Variants in CNOT10 observed in about 807,000 individuals in gnomAD.
CNOT10 encodes the protein CCR4-NOT transcription complex subunit 10.
In CNOT10, 30 loss-of-function variants were observed where a neutral mutation model predicts 94.6. The ratio of observed to expected loss-of-function variants is 0.32; its 90% CI spans 0.24 to 0.43. The LOEUF is 0.43. Among genes scored for constraint, CNOT10 ranks in the 20% least tolerant of loss-of-function variants. The probability of loss-of-function intolerance (pLI) is 1.00; values close to 1 mark genes in which losing one functional copy is unlikely to be tolerated. For synonymous variants in CNOT10, 289 were observed against 301.6 expected, an observed-to-expected ratio of 0.96 and a Z score of 0.43; for missense variants, 759 against 877.2, an observed-to-expected ratio of 0.87 and a Z score of 1.70.
At chr3:32,690,316 A>G (rs967444720) in intron 1 of CNOT10, among the ~76,000 whole-genome samples, 5 of 152,094 alleles carry the variant, frequency 3.3e-5, no homozygotes, top group African/African-American at 1.2e-4. Flanking sequence ...AGAACGATGA[A>G]AGTATCTACC....
At chr3:32,685,858 C>T (rs2125480448) in intron 1 of CNOT10, among the ~76,000 whole-genome samples, 1 of 152,284 alleles carries the variant, frequency 6.6e-6, no homozygotes, top group South Asian at 2.1e-4. Context: ...GTGGCTGAGG[C>T]TGGGATTCAC....
At chr3:32,729,233 G>GCC (rs1391879475) in intron 10 of CNOT10, among the ~76,000 whole-genome samples, 2 of 152,176 alleles carry the variant, frequency 1.3e-5, no homozygotes, top group Non-Finnish European at 2.9e-5. Context: ...ACACATGATT[G>GCC]CCCATGGTAG....
chr3:32,770,081 C>T, intron 18 of CNOT10, 119 bp downstream of exon 18: 1 of 723,034 alleles, frequency 1.4e-6, no homozygotes, highest in Non-Finnish European at 2.4e-6. Context: ...TCAGAGCTCA[C>T]TGCAGCCTCC....
intron 14 of CNOT10, among the ~76,000 whole-genome samples, chr3:32,762,139 T>A (rs181764565): frequency 1.9e-4 from 29 of 150,140 alleles, no homozygotes; most frequent in African/African-American, 5.1e-4. Context: ...GTCATTAAGA[T>A]TTTGAGCAGA....
chr3:32,726,745 T>G (rs1039113341), intron 9 of CNOT10, among the ~76,000 whole-genome samples: 1 of 149,708 alleles, frequency 6.7e-6, no homozygotes, highest in Non-Finnish European at 1.5e-5. Flanking sequence ...ATTTAATTGA[T>G]GGCAAATGTA....
intron 1 of CNOT10, among the ~76,000 whole-genome samples, chr3:32,696,328 G>A (rs541341556): frequency 0.025 from 3,504 of 139,748 alleles, 48 homozygotes; most frequent in South Asian, 0.043. Flanking sequence ...AAAAAAAAAA[G>A]AAGAAGAAGA....
In CNOT10 at chr3:32,733,483, G is replaced by A; in HGVS notation, c.1276G>A (p.Gly426Ser). Residue 426 changes from glycine (G) to serine (S), a missense_variant, in exon 11 of 19, where the codon GGT becomes AGT. Physicochemically the swap from Gly to Ser is moderately conservative, Grantham distance 56 (BLOSUM62 0). Transcript: ENST00000328834. Reference sequence around the variant, plus strand: ...AAAAGGAATTGTACAGTCTATTGTTGGTCAAGGCTATCATCGTAAAATAGT... The same window carrying A: ...AAAAGGAATTGTACAGTCTATTGTTAGTCAAGGCTATCATCGTAAAATAGT... ...SKKGIVQSIV[G>S]QGYHRKIVLA... 1 of 1,603,804 alleles carries A rather than the reference G, an allele frequency of 6.2e-7. No homozygotes were observed. Among genetic ancestry groups the A allele is most frequent in the African/African-American group, 1.3e-5 (1 of 74,750 alleles).
intron 13 of CNOT10, among the ~76,000 whole-genome samples, chr3:32,756,024 T>G (rs1486028542): frequency 6.6e-6 from 1 of 152,108 alleles, no homozygotes; most frequent in Non-Finnish European, 1.5e-5. Context: ...CTATCAAAAG[T>G]AAAGTGATTC....
intron 9 of CNOT10, among the ~76,000 whole-genome samples, chr3:32,726,687 C>G (rs1478729062): frequency 8.4e-6 from 1 of 119,404 alleles, no homozygotes; most frequent in Admixed American, 9.4e-5. Context: ...CAGAGCGAGA[C>G]TCTGTCCATA....
chr3:32,769,968 T>G lies in CNOT10; in HGVS notation c.2080+6T>G. The G allele has an allele frequency of 3.1e-6, 5 of 1,606,654 alleles. No homozygotes were observed. Among genetic ancestry groups the G allele is most frequent in the Non-Finnish European group, 4.3e-6 (5 of 1,173,362 alleles). ...CTACCTTGAACTGCAGAATGGTGAG[T>G]AATTCTCTCTGTTTAGGACTTTATC... On this transcript the variant is annotated splice_donor_region_variant and intron_variant, in intron 18 of 18. Coordinates refer to ENST00000328834, the MANE Select transcript of CNOT10 (RefSeq NM_015442.3).
At chr3:32,726,694 CATAATAATAATAATAATA>C (rs55674577) in intron 9 of CNOT10, among the ~76,000 whole-genome samples, 2 of 141,764 alleles carry the variant, frequency 1.4e-5, no homozygotes, top group Non-Finnish European at 3.0e-5. Flanking sequence ...AGACTCTGTC[CATAATAATAATAATAATA>C]ATAATAATAA....
chr3:32,695,784 G>C, intron 1 of CNOT10: 2 of 1,535,634 alleles, frequency 1.3e-6, no homozygotes, highest in Non-Finnish European at 1.7e-6. Flanking sequence ...ACTACTTTTG[G>C]GCAAATAAAG....
At chr3:32,695,978 T>A (rs1460055807) in intron 1 of CNOT10, among the ~76,000 whole-genome samples, 5 of 91,900 alleles carry the variant, frequency 5.4e-5, no homozygotes, top group Non-Finnish European at 1.3e-4. Flanking sequence ...AGTGTGTGTG[T>A]GTGTGTGTGT....
chr3:32,702,843 A>G (rs1697418307), intron 1 of CNOT10, among the ~76,000 whole-genome samples: 1 of 151,906 alleles, frequency 6.6e-6, no homozygotes, highest in African/African-American at 2.4e-5. Flanking sequence ...ACTTGGCCAT[A>G]GGAACCTTTT....
chr3:32,716,943 C>T (rs1698152306), intron 6 of CNOT10, among the ~76,000 whole-genome samples: 1 of 152,192 alleles, frequency 6.6e-6, no homozygotes, highest in African/African-American at 2.4e-5. Context: ...GCCACCACAT[C>T]TGGCTAAGTT....
intron 13 of CNOT10, among the ~76,000 whole-genome samples, chr3:32,739,129 C>G (rs1699333632): frequency 6.6e-6 from 1 of 152,092 alleles, no homozygotes; most frequent in South Asian, 2.1e-4. Flanking sequence ...TGGTCTCGAA[C>G]TCCTGACCTC....
At chr3:32,686,015 C>A (rs1169566786) in intron 1 of CNOT10, among the ~76,000 whole-genome samples, 1 of 152,070 alleles carries the variant, frequency 6.6e-6, no homozygotes, top group Non-Finnish European at 1.5e-5. Flanking sequence ...TGGGCCCAAG[C>A]GATCCTTCCG....
chr3:32,699,549 G>C (rs779883859), intron 1 of CNOT10, among the ~76,000 whole-genome samples: 1 of 152,178 alleles, frequency 6.6e-6, no homozygotes, highest in Non-Finnish European at 1.5e-5. Context: ...GAAGGACTGT[G>C]GCAGGGTTCT....
At chr3:32,706,555 G>A (rs1205422515) in intron 3 of CNOT10, among the ~76,000 whole-genome samples, 1 of 152,174 alleles carries the variant, frequency 6.6e-6, no homozygotes, top group African/African-American at 2.4e-5. Context: ...ATTTTAATTA[G>A]CAAACGTCTA....
Sources: gnomAD v4.1 joint callset for allele counts (sites outside exome capture counted in the v4.1 genomes callset) on GRCh38, gnomAD v4.1.1 for gene constraint, MANE v1.5 for transcripts, NCBI Gene and HGNC (gene_info 2026-07-23, HGNC 2026-07-21) for gene names.